ASPRV1: variants seen among roughly 807,000 people sequenced by gnomAD.
The protein encoded by ASPRV1 is retroviral-like aspartic protease 1.
Under a neutral mutation model 11.0 loss-of-function variants are expected in ASPRV1, and 7 were observed. That is an observed-to-expected ratio of 0.64 (90% CI 0.36 to 1.20). The LOEUF is 1.20. Among genes scored for constraint, ASPRV1 ranks in the 50% most tolerant of loss-of-function variants. The pLI is 0.02. For missense variants in ASPRV1, 299 were observed against 320.0 expected (o/e 0.93, Z 0.50); for synonymous variants, 136 against 138.4 (o/e 0.98, Z 0.12).
At chr2:70,085,848 C>A in the ASPRV1 span, 1 of 152,142 alleles carries the variant, frequency 6.6e-6, no homozygotes, top group African/African-American at 2.4e-5. Flanking sequence ...GTCAGAGGCA[C>A]TGTAGTCTCT....
the ASPRV1 span, chr2:70,056,625 A>AAAAAAAAAAAAAAAAAAAAG: frequency 6.9e-5 from 10 of 145,278 alleles, no homozygotes; most frequent in Admixed American, 6.0e-4. Flanking sequence ...AAAAAAAAAA[A>AAAAAAAAAAAAAAAAAAAAG]GTGGTTAAAA....
At chr2:69,939,401 A>C in the ASPRV1 span, 1 of 152,446 alleles carries the variant, frequency 6.6e-6, no homozygotes, top group South Asian at 2.1e-4. Flanking sequence ...TAAAAGGCTG[A>C]TTTTTCTTTT....
the ASPRV1 span, among the ~76,000 whole-genome samples, chr2:70,076,503 G>GTCA: frequency 1.3e-5 from 2 of 151,562 alleles, no homozygotes; most frequent in African/African-American, 4.9e-5. Flanking sequence ...GCATTTAACC[G>GTCA]TCACCACCAT....
chr2:69,964,649 C>T (rs951603920), upstream of ASPRV1: 5 of 220,370 alleles, frequency 2.3e-5, no homozygotes, highest in Admixed American at 2.1e-4. Flanking sequence ...TGGGGCGGGA[C>T]ACCCTCATTA....
chr2:70,047,752 A>G, the ASPRV1 span, among the ~76,000 whole-genome samples: 1 of 152,184 alleles, frequency 6.6e-6, no homozygotes, highest in African/African-American at 2.4e-5. Context: ...TCCCGAGAGG[A>G]GTTTCTGATT....
the ASPRV1 span, among the ~76,000 whole-genome samples, chr2:70,057,826 G>A: frequency 6.7e-6 from 1 of 148,888 alleles, no homozygotes; most frequent in Non-Finnish European, 1.5e-5. Context: ...ACAGAGTCTC[G>A]CTCTGTGGCT....
At chr2:70,005,204 C>T in the ASPRV1 span, among the ~76,000 whole-genome samples, 1 of 152,214 alleles carries the variant, frequency 6.6e-6, no homozygotes, top group South Asian at 2.1e-4. Flanking sequence ...GGACTACAGG[C>T]ACAAGCTACT....
chr2:70,009,307 TTGTC>T, the ASPRV1 span, among the ~76,000 whole-genome samples: 1 of 142,206 alleles, frequency 7.0e-6, no homozygotes, highest in African/African-American at 2.9e-5. Context: ...ATATAATTTA[TTGTC>T]TTATTTATTT....
the ASPRV1 span, among the ~76,000 whole-genome samples, chr2:70,079,902 A>T: frequency 6.7e-6 from 1 of 150,232 alleles, no homozygotes; most frequent in African/African-American, 2.5e-5. Flanking sequence ...CAATGCTCTT[A>T]ATCGGGACAC....
the ASPRV1 span, chr2:70,031,053 A>G: frequency 1.3e-5 from 2 of 152,196 alleles, no homozygotes; most frequent in Non-Finnish European, 2.9e-5. Flanking sequence ...GAATAGGGGT[A>G]TCGGATTGGG....
the ASPRV1 span, chr2:69,942,603 T>C: frequency 1.3e-5 from 2 of 152,238 alleles, no homozygotes; most frequent in African/African-American, 4.8e-5. Flanking sequence ...ATTTTAGCTT[T>C]TACCTGACAA....
At chr2:70,026,773 A>G in the ASPRV1 span, among the ~76,000 whole-genome samples, 1 of 152,150 alleles carries the variant, frequency 6.6e-6, no homozygotes, top group Non-Finnish European at 1.5e-5. Context: ...TACCCATATT[A>G]CCCAAAGCAA....
At chr2:70,051,184 A>G in the ASPRV1 span, 2 of 152,182 alleles carry the variant, frequency 1.3e-5, no homozygotes, top group African/African-American at 4.8e-5. Context: ...CTGAGGGACA[A>G]AGAAGGTAAA....
chr2:70,017,599 C>T, the ASPRV1 span, among the ~76,000 whole-genome samples: 2 of 152,174 alleles, frequency 1.3e-5, no homozygotes, highest in African/African-American at 4.8e-5. Flanking sequence ...GTTAAATTGT[C>T]TGTCTGTTGA....
At chr2:70,013,821 C>T in the ASPRV1 span, among the ~76,000 whole-genome samples, 1 of 152,182 alleles carries the variant, frequency 6.6e-6, no homozygotes, top group Non-Finnish European at 1.5e-5. Context: ...GCGAAGACTA[C>T]AGTGAGCTGC....
the ASPRV1 span, among the ~76,000 whole-genome samples, chr2:69,990,714 C>T: frequency 6.6e-6 from 1 of 152,166 alleles, no homozygotes; most frequent in African/African-American, 2.4e-5. Flanking sequence ...CTTGGCCTCC[C>T]AAAGTGCAGG....
At chr2:69,985,733 C>A in the ASPRV1 span, among the ~76,000 whole-genome samples, 1 of 152,196 alleles carries the variant, frequency 6.6e-6, no homozygotes, top group Non-Finnish European at 1.5e-5. Flanking sequence ...AACTTTCTGG[C>A]GCCTGAGACC....
chr2:70,075,465 C>G, the ASPRV1 span, among the ~76,000 whole-genome samples: 1 of 151,472 alleles, frequency 6.6e-6, no homozygotes, highest in Admixed American at 6.6e-5. Context: ...CTCTCTTCAA[C>G]TCTATAAAAC....
upstream of ASPRV1, chr2:69,962,230 ACG>A (rs1026712539): frequency 6.6e-6 from 1 of 152,560 alleles, no homozygotes; most frequent in Non-Finnish European, 1.6e-5. Flanking sequence ...ACACACACAC[ACG>A]TGCACAATCA....
Sources: gnomAD v4.1 joint callset for allele counts (sites outside exome capture counted in the v4.1 genomes callset) on GRCh38, gnomAD v4.1.1 for gene constraint, MANE v1.5 for transcripts, NCBI Gene and HGNC (gene_info 2026-07-23, HGNC 2026-07-21) for gene names.